Variants in SLC15A5 observed in about 807,000 individuals in gnomAD.
SLC15A5 encodes the protein solute carrier family 15 member 5, also known as Peptide/histidine transporter ENSP00000340402.
A neutral mutation model predicts 56.1 loss-of-function variants in SLC15A5; 58 were observed. That is an observed-to-expected ratio of 1.03 (90% CI 0.84 to 1.29). The LOEUF (loss-of-function observed/expected upper bound fraction) is 1.29, where lower values mean the gene tolerates loss of function less well. Ranked by LOEUF, SLC15A5 falls within the 50% of genes most tolerant of loss-of-function variation. The pLI is 0.00. For missense variants in SLC15A5, 681 were observed against 672.1 expected, an observed-to-expected ratio of 1.01 and a Z score of -0.15; for synonymous variants, 264 against 250.5, an observed-to-expected ratio of 1.05 and a Z score of -0.51.
At chr12:16,207,123 A>G (rs1267340662) in intron 7 of SLC15A5, among the ~76,000 whole-genome samples, 2 of 152,314 alleles carry the variant, frequency 1.3e-5, no homozygotes, top group Admixed American at 1.3e-4. Flanking sequence ...AAATATTTCT[A>G]TAAGGTTCTT....
At chr12:16,201,781 A>G (rs1433311996) in intron 7 of SLC15A5, among the ~76,000 whole-genome samples, 1 of 152,178 alleles carries the variant, frequency 6.6e-6, no homozygotes, top group East Asian at 1.9e-4. Context: ...TAAGTCAATT[A>G]AACCTCTTTC....
chr12:16,219,534 A>G (rs887236476), intron 6 of SLC15A5, among the ~76,000 whole-genome samples: 3 of 152,192 alleles, frequency 2.0e-5, no homozygotes, highest in African/African-American at 7.2e-5. Flanking sequence ...TATTAATCCT[A>G]TGCTTTTCTC....
chr12:16,248,325 G>A (rs1019450869), intron 3 of SLC15A5, among the ~76,000 whole-genome samples: 22 of 152,092 alleles, frequency 1.4e-4, no homozygotes, highest in African/African-American at 5.3e-4. Flanking sequence ...CCAGAGATTA[G>A]TTAAGGAAAG....
intron 7 of SLC15A5, among the ~76,000 whole-genome samples, chr12:16,203,467 T>C (rs999153609): frequency 6.6e-6 from 1 of 152,164 alleles, no homozygotes; most frequent in African/African-American, 2.4e-5. Flanking sequence ...GTCCAGTTTC[T>C]TATGATTAAG....
At chr12:16,212,242 G>C (rs1864091001) in intron 7 of SLC15A5, among the ~76,000 whole-genome samples, 1 of 151,924 alleles carries the variant, frequency 6.6e-6, no homozygotes, top group African/African-American at 2.4e-5. Flanking sequence ...ATAATCTCTG[G>C]CATAGAAAAT....
At position 16,224,433 on chromosome 12, in the gene SLC15A5, T is replaced by C; in HGVS notation, c.1332A>G (p.Glu444=). Reference sequence around the variant, plus strand: ...ACTCACGGGCTGGGTTTACCAGTGTTTCCGCCACTCCAAGTAAAACATACT... The same window carrying C: ...ACTCACGGGCTGGGTTTACCAGTGTCTCCGCCACTCCAAGTAAAACATACT... The part of the protein sequence containing the change: ...ILQYVLLGVA[E]TLVNPALSVI... Residue 444 remains glutamate (E), a synonymous_variant, in exon 6 of 9, where the codon GAA becomes GAG. Transcript: ENST00000344941. 1 of 1,537,158 alleles carries C rather than the reference T, an allele frequency of 6.5e-7. No individual in the cohort carries two copies. The highest frequency in any genetic ancestry group is 8.7e-7 in the Non-Finnish European group (1 of 1,146,866).
rs35415868 is a variant in SLC15A5, at chr12:16,230,922, C to CAA, written c.1163-6322_1163-6321dup. On this transcript the variant is annotated intron_variant, in intron 5 of 8. Transcript: ENST00000344941. ...TAGGCTGCAGAGCAAGACTCCGTCTCAAAAAAAAAAAAGACAAAAAAACTT... is the reference window on the plus strand; with the variant it reads ...TAGGCTGCAGAGCAAGACTCCGTCTCAAAAAAAAAAAAAAGACAAAAAAACTT... 1.4e-3 allele frequency among the ~76,000 whole-genome samples: 209 copies of CAA among 145,906 alleles called. 1 individual carries two copies. Among genetic ancestry groups the CAA allele is most frequent in the African/African-American group, 3.9e-3 (156 of 39,624 alleles).
At chr12:16,223,796 A>G (rs1449676327) in intron 6 of SLC15A5, among the ~76,000 whole-genome samples, 5 of 150,594 alleles carry the variant, frequency 3.3e-5, no homozygotes, top group Non-Finnish European at 3.0e-5. Context: ...GCTCACTGCA[A>G]CCTCCGCCTC....
chr12:16,215,732 A>G (rs1391870494), intron 7 of SLC15A5, among the ~76,000 whole-genome samples: 3 of 152,214 alleles, frequency 2.0e-5, no homozygotes, highest in Non-Finnish European at 4.4e-5. Context: ...ATTTTCTCAG[A>G]TAAGTAAGGA....
At chr12:16,264,572 G>T (rs932901767) in intron 2 of SLC15A5, among the ~76,000 whole-genome samples, 1 of 152,108 alleles carries the variant, frequency 6.6e-6, no homozygotes, top group African/African-American at 2.4e-5. Flanking sequence ...TTTGGGAGGG[G>T]CCAGAGGCAG....
Position 16,277,646 on chromosome 12 carries a change from G to A in SLC15A5, c.40C>T (p.His14Tyr), listed in dbSNP as rs1335799444. ...TCCTTCTCAATGCTGTGATATAAGTGTACTTTCTCATCAGTTATGGTAAAG... is the reference window on the plus strand; with the variant it reads ...TCCTTCTCAATGCTGTGATATAAGTATACTTTCTCATCAGTTATGGTAAAG... ...TGFTITDEKV[H>Y]LYHSIEKEKT... Residue 14 changes from histidine to tyrosine, a missense_variant, in exon 1 of 9, where the codon CAC becomes TAC. By Grantham distance (83) the His-to-Tyr change is moderately conservative (BLOSUM62 2). Coordinates refer to ENST00000344941, the MANE Select transcript of SLC15A5 (RefSeq NM_001170798.1). 10 of 1,535,582 alleles carry A rather than the reference G, an allele frequency of 6.5e-6. No individual in the cohort carries two copies. The highest frequency in any genetic ancestry group is 7.9e-6 in the Non-Finnish European group (9 of 1,145,914).
rs1864333159 is a variant in SLC15A5 at position 16,235,008 on chromosome 12, C to T, written c.1162+4673G>A. Among the ~76,000 whole-genome samples, 1 of 151,822 alleles carries T rather than the reference C, an allele frequency of 6.6e-6. No homozygotes were observed. Among genetic ancestry groups the T allele is most frequent in the Admixed American group, 6.6e-5 (1 of 15,226 alleles). ...AGTCCTTGAGAAATTCCCTTTGGAT[C>T]CATGATTTTGGCAAATTCCCAGGAT... On this transcript the variant is annotated intron_variant, in intron 5 of 8. Transcript: ENST00000344941. This position sits in a 1 kb window ranked among gnomAD's most constrained non-coding sequence, Gnocchi z 4.1.
intron 1 of SLC15A5, among the ~76,000 whole-genome samples, chr12:16,276,534 A>G (rs899786035): frequency 3.9e-5 from 6 of 151,936 alleles, no homozygotes; most frequent in Middle Eastern, 3.2e-3. Flanking sequence ...ATCTCTCTCT[A>G]TTTAATTCCT....
chr12:16,255,041 A>G (rs1289032567), intron 3 of SLC15A5, among the ~76,000 whole-genome samples: 5 of 152,110 alleles, frequency 3.3e-5, no homozygotes, highest in African/African-American at 1.2e-4. Flanking sequence ...GGATCTGCCA[A>G]TTACCCTGAT....
At chr12:16,261,201 C>CAA (rs762524719) in intron 2 of SLC15A5, among the ~76,000 whole-genome samples, 173 of 152,254 alleles carry the variant, frequency 1.1e-3, no homozygotes, top group Non-Finnish European at 2.0e-3. Flanking sequence ...GCTTCTAAAG[C>CAA]TCAGTCACAT....
chr12:16,256,655 C>T (rs955550737), intron 3 of SLC15A5, among the ~76,000 whole-genome samples: 6 of 151,904 alleles, frequency 3.9e-5, no homozygotes, highest in Non-Finnish European at 5.9e-5. Flanking sequence ...GTCAGGAGAT[C>T]GAGACCATCC....
In SLC15A5 at chr12:16,256,007, T is replaced by C. The variant is rs1864568184; in HGVS notation, c.754+1694A>G. 1.3e-5 allele frequency among the ~76,000 whole-genome samples: 2 copies of C among 152,118 alleles called. 1 individual carries two copies. The highest frequency in any genetic ancestry group is 4.1e-4 in the South Asian group (2 of 4,826). Reference sequence around the variant, plus strand: ...CATGAAGGGGACTTCACTGTCCAAGTATGGAAACAAATTTGAGAATCACTA... The same window carrying C: ...CATGAAGGGGACTTCACTGTCCAAGCATGGAAACAAATTTGAGAATCACTA... On this transcript the variant is annotated intron_variant, in intron 3 of 8. Transcript: ENST00000344941.
At chr12:16,238,899 T>C (rs1359479229) in intron 5 of SLC15A5, among the ~76,000 whole-genome samples, 1 of 152,220 alleles carries the variant, frequency 6.6e-6, no homozygotes, top group Non-Finnish European at 1.5e-5. Flanking sequence ...TTCTGGGCAC[T>C]GATGTCATCC....
At position 16,235,246 on chromosome 12, in the gene SLC15A5, G is replaced by T. The variant is rs1864338398; in HGVS notation, c.1162+4435C>A. On this transcript the variant is annotated intron_variant, in intron 5 of 8. Transcript: ENST00000344941. The surrounding 1 kb of genome is among the most constrained non-coding windows in gnomAD (Gnocchi z 4.1). Reference sequence around the variant, plus strand: ...ATATACAAAACACGACATGTTATAAGTATATATGTGTATATATATGTATAT... The same window carrying T: ...ATATACAAAACACGACATGTTATAATTATATATGTGTATATATATGTATAT... Among the ~76,000 whole-genome samples the T allele has an allele frequency of 8.1e-6, 1 of 124,216 alleles. No homozygotes were observed. The highest frequency in any genetic ancestry group is 8.3e-5 in the Admixed American group (1 of 11,980). 81.5% of individuals were successfully genotyped at this position (124,216 alleles called of 152,430 possible).
Sources: gnomAD v4.1 joint callset for allele counts (sites outside exome capture counted in the v4.1 genomes callset) on GRCh38, gnomAD v4.1.1 for gene constraint, Gnocchi (gnomAD v3.1) non-coding constraint, MANE v1.5 for transcripts, NCBI Gene and HGNC (gene_info 2026-07-23, HGNC 2026-07-21) for gene names.